Variants in GALNTL5 observed in about 807,000 individuals in gnomAD.
GALNTL5 encodes the protein polypeptide N-acetylgalactosaminyltransferase like 5.
GALNTL5 carries 44 observed loss-of-function variants against 51.0 expected under a neutral mutation model. That is an observed-to-expected ratio of 0.86 (90% CI 0.68 to 1.11). GALNTL5 has a LOEUF of 1.11. Among genes scored for constraint, GALNTL5 ranks in the 50% least tolerant of loss-of-function variants. GALNTL5 has a pLI of 0.00. For synonymous variants in GALNTL5, 192 were observed against 182.8 expected, an observed-to-expected ratio of 1.05 and a Z score of -0.41; for missense variants, 528 against 531.8, an observed-to-expected ratio of 0.99 and a Z score of 0.07.
At chr7:151,986,489 G>A (rs186455844) in intron 4 of GALNTL5, among the ~76,000 whole-genome samples, 1 of 151,956 alleles carries the variant, frequency 6.6e-6, no homozygotes, top group Non-Finnish European at 1.5e-5. Flanking sequence ...TTAAAAATTA[G>A]CCAGGTGTTG....
At chr7:151,968,513 G>A (rs958809051) in intron 2 of GALNTL5, among the ~76,000 whole-genome samples, 5 of 152,094 alleles carry the variant, frequency 3.3e-5, no homozygotes, top group East Asian at 3.9e-4. Flanking sequence ...TGTGACACAC[G>A]ACAGCCCCTT....
At chr7:152,014,404 A>G (rs772477683) in intron 7 of GALNTL5, among the ~76,000 whole-genome samples, 14 of 152,158 alleles carry the variant, frequency 9.2e-5, no homozygotes, top group Non-Finnish European at 2.1e-4. Context: ...AGTAGCTGGG[A>G]TTACAGGCAT....
chr7:152,005,556 G>A (rs1280876230), intron 6 of GALNTL5, among the ~76,000 whole-genome samples: 1 of 152,156 alleles, frequency 6.6e-6, no homozygotes, highest in Non-Finnish European at 1.5e-5. Flanking sequence ...TTCAAGTGGG[G>A]ATGTGAAGTA....
At chr7:151,986,322 T>C (rs1037667296) in intron 4 of GALNTL5, among the ~76,000 whole-genome samples, 13 of 152,200 alleles carry the variant, frequency 8.5e-5, no homozygotes, top group Non-Finnish European at 1.5e-4. Context: ...AATAGAGTTA[T>C]TTCACTAGAA....
At chr7:152,009,868 AC>A (rs1280242777) in intron 7 of GALNTL5, among the ~76,000 whole-genome samples, 4 of 152,080 alleles carry the variant, frequency 2.6e-5, no homozygotes, top group Non-Finnish European at 5.9e-5. Flanking sequence ...TGTAACTAAT[AC>A]CTGTATCACG....
At chr7:152,003,013 C>T (rs1253494061) in intron 6 of GALNTL5, 50 bp downstream of exon 6, 6 of 1,533,184 alleles carry the variant, frequency 3.9e-6, no homozygotes. Context: ...GTATTGAGAC[C>T]CAGGGGGAAA....
intron 3 of GALNTL5, among the ~76,000 whole-genome samples, chr7:151,981,593 CCTTCCTTCCTT>C: frequency 9.8e-6 from 1 of 101,630 alleles, no homozygotes; most frequent in South Asian, 3.4e-4. Context: ...TTCCTTCCCT[CCTTCCTTCCTT>C]CCCTCCTTCC....
rs139084521 is a variant in GALNTL5 at position 151,991,823 on chromosome 7, C to T, written c.658+4542C>T. 2.1e-3 allele frequency among the ~76,000 whole-genome samples: 318 copies of T among 152,096 alleles called. 1 individual carries two copies. Among genetic ancestry groups the T allele is most frequent in the African/African-American group, 7.3e-3 (303 of 41,458 alleles). ...TTGTCTTATCAAGTTCCAGGAAAAA[C>T]GTGTTGAGATTTTCACTGGAATTGT... On this transcript the variant is annotated intron_variant, in intron 5 of 8. Coordinates refer to ENST00000392800, the MANE Select transcript of GALNTL5 (RefSeq NM_145292.4).
At chr7:151,965,884 T>A (rs1002379701) in intron 1 of GALNTL5, among the ~76,000 whole-genome samples, 2 of 151,430 alleles carry the variant, frequency 1.3e-5, no homozygotes, top group Admixed American at 6.6e-5. Flanking sequence ...TGAGACCCAG[T>A]CTCAAAAAAA....
intron 3 of GALNTL5, among the ~76,000 whole-genome samples, chr7:151,981,186 T>C (rs544112037): frequency 6.6e-6 from 1 of 152,304 alleles, no homozygotes; most frequent in East Asian, 1.9e-4. Flanking sequence ...CAGTTTCTCC[T>C]TGGGTCCTTG....
Position 151,967,442 on chromosome 7 carries a change from C to A in GALNTL5, c.196C>A (p.Pro66Thr). 6.2e-7 allele frequency: 1 copy of A among 1,613,888 alleles called. No homozygotes were observed. The highest frequency in any genetic ancestry group is 1.7e-5 in the Admixed American group (1 of 60,008). The change falls in exon 2 of 9, where the codon CCT (proline) becomes ACT (threonine). Residue 66 changes from proline (P) to threonine (T), a missense_variant. Coordinates refer to ENST00000392800, the MANE Select transcript of GALNTL5 (RefSeq NM_145292.4). The part of the protein sequence containing the change: ...IIYGSEQIPK[P>T]HVIVKRTDED... ...CTATGGCTCAGAGCAAATACCAAAA[C>A]CTCATGTAATAGTCAAAAGGACTGA...
rs189854298 is a variant in GALNTL5 at position 151,999,642 on chromosome 7, G to A, written c.659-3072G>A. 1.0e-2 allele frequency among the ~76,000 whole-genome samples: 1,516 copies of A among 152,226 alleles called. 21 individuals are homozygous for A. The highest frequency in any genetic ancestry group is 0.032 in the African/African-American group (1,338 of 41,534). ...CTGTTTGTGTGCTTGCTAGCCATTC[G>A]TACATCTTCTTAGGAGAACCAGATG... On this transcript the variant is annotated intron_variant, in intron 5 of 8. Coordinates refer to ENST00000392800, the MANE Select transcript of GALNTL5 (RefSeq NM_145292.4).
chr7:152,000,442 C>T (rs933466950), intron 5 of GALNTL5, among the ~76,000 whole-genome samples: 7 of 152,220 alleles, frequency 4.6e-5, no homozygotes, highest in African/African-American at 1.4e-4. Flanking sequence ...GCCAGCCACA[C>T]ACCCTCAGAG....
intron 1 of GALNTL5, among the ~76,000 whole-genome samples, chr7:151,958,749 G>C (rs1387723807): frequency 6.6e-6 from 1 of 152,200 alleles, no homozygotes; most frequent in African/African-American, 2.4e-5. Context: ...CCATCATTCG[G>C]TGGGTCCCAG....
In GALNTL5 at chr7:151,979,473, G is replaced by T. The variant is rs201356331; in HGVS notation, c.369-3513G>T. On this transcript the variant is annotated intron_variant, in intron 3 of 8. Coordinates refer to ENST00000392800, the MANE Select transcript of GALNTL5 (RefSeq NM_145292.4). ...CAGCAAGGATTTTTTTTGGTGGGGG[G>T]AGGGGGGCAGAGTTTTGCTCTTGTT... Among the ~76,000 whole-genome samples, 39 of 150,172 alleles carry T rather than the reference G, an allele frequency of 2.6e-4. No homozygotes were observed. In the East Asian group the frequency reaches 7.3e-3, roughly 28 times the overall value.
At chr7:151,973,480 A>G (rs1037102658) in intron 3 of GALNTL5, among the ~76,000 whole-genome samples, 8 of 151,686 alleles carry the variant, frequency 5.3e-5, no homozygotes, top group African/African-American at 1.9e-4. Context: ...AAAAAAAAAG[A>G]AGATTTAATG....
At chr7:151,992,632 C>T (rs1299965797) in intron 5 of GALNTL5, among the ~76,000 whole-genome samples, 1 of 152,176 alleles carries the variant, frequency 6.6e-6, no homozygotes. Context: ...TCGCTCTACC[C>T]TGGTATGACC....
rs557162369 is a variant in GALNTL5, at chr7:151,969,972, A to ATT, written c.248-963_248-962dup. Among the ~76,000 whole-genome samples the ATT allele has an allele frequency of 6.7e-3, 985 of 147,558 alleles. 9 individuals carry two copies. Among genetic ancestry groups the ATT allele is most frequent in the African/African-American group, 0.016 (625 of 40,180 alleles). ...CAGGCACCAGCCGCCACGCCTGGCT[A>ATT]TTTTTTTTTTTGTATTTTTAGGAGA... On this transcript the variant is annotated intron_variant, in intron 2 of 8. Coordinates refer to ENST00000392800, the MANE Select transcript of GALNTL5 (RefSeq NM_145292.4).
At chr7:151,999,841 G>T (rs566485113) in intron 5 of GALNTL5, among the ~76,000 whole-genome samples, 1 of 152,318 alleles carries the variant, frequency 6.6e-6, no homozygotes, top group South Asian at 2.1e-4. Context: ...AGTTTTGGTT[G>T]AGGCATGAAA....
Sources: allele counts gnomAD v4.1 joint callset (sites outside exome capture counted in the v4.1 genomes callset), GRCh38; gene constraint gnomAD v4.1.1; transcripts MANE v1.5; gene names NCBI Gene and HGNC (gene_info 2026-07-23, HGNC 2026-07-21).